Variants in BRIP1 observed in about 807,000 individuals in gnomAD.
BRIP1 encodes the protein Fanconi anemia group J protein.
BRIP1 carries 88 observed loss-of-function variants against 119.7 expected under a neutral mutation model. That is an observed-to-expected ratio of 0.74 (90% CI 0.62 to 0.88). The LOEUF is 0.88. BRIP1 is among the 40% of genes least tolerant of loss of function. The pLI is 0.00. For missense variants in BRIP1, 1,259 were observed against 1,455.4 expected (o/e 0.87, Z 2.20); for synonymous variants, 443 against 496.5 (o/e 0.89, Z 1.43).
chr17:61,766,092 G>A (rs1372687070), intron 14 of BRIP1, among the ~76,000 whole-genome samples: 1 of 152,018 alleles, frequency 6.6e-6, no homozygotes, highest in Non-Finnish European at 1.5e-5. Context: ...AAAATAATAG[G>A]TCAAATTAAT....
chr17:61,680,582 C>CCATT lies in BRIP1; in HGVS notation c.*2710_*2713dup, dbSNP rs2061258190. Among the ~76,000 whole-genome samples the CCATT allele has an allele frequency of 6.7e-6, 1 of 149,090 alleles. No homozygotes were observed. On this transcript the variant is annotated 3_prime_UTR_variant, in exon 20 of 20. Transcript: ENST00000259008. ...GCAAGCTCCACCTCCCGGGTTCACG[C>CCATT]CATTCTCCTGCCTCAGCCTCCTGAG...
rs1234761568 is a variant in BRIP1, at chr17:61,770,436, GTAGTTATAAAAGACAGT to G, written c.2097+5948_2097+5964del. 2.6e-5 allele frequency among the ~76,000 whole-genome samples: 4 copies of G among 152,008 alleles called. No homozygotes were observed. Among genetic ancestry groups the G allele is most frequent in the African/African-American group, 7.3e-5 (3 of 41,368 alleles). ...GAGCACTGGTCAAGATAACTACAAG[GTAGTTATAAAAGACAGT>G]ATAAAATGTGTTTTAACATAGATAC... On this transcript the variant is annotated intron_variant, in intron 14 of 19. Transcript: ENST00000259008. This position sits in a 1 kb window ranked among gnomAD's most constrained non-coding sequence, Gnocchi z 4.7.
rs2061379426 is a variant in BRIP1, at chr17:61,687,487, A to G, written c.2576-1322T>C. Among the ~76,000 whole-genome samples, 1 of 151,968 alleles carries G rather than the reference A, an allele frequency of 6.6e-6. No individual in the cohort carries two copies. Among genetic ancestry groups the G allele is most frequent in the South Asian group, 2.1e-4 (1 of 4,824 alleles). On this transcript the variant is annotated intron_variant, in intron 18 of 19. Transcript: ENST00000259008. This position sits in a 1 kb window ranked among gnomAD's most constrained non-coding sequence, Gnocchi z 5.1. ...GGGAAGATAAAACAAATAAAGCAAT[A>G]TTTTCTGCTTTATGTTTTAATATCA... is the stretch of plus-strand genomic sequence containing the variant.
chr17:61,710,955 C>T lies in BRIP1; in HGVS notation c.2492+4996G>A, dbSNP rs1214983268. On this transcript the variant is annotated intron_variant, in intron 17 of 19. Transcript: ENST00000259008. This position sits in a 1 kb window ranked among gnomAD's most constrained non-coding sequence, Gnocchi z 5.4. Reference sequence around the variant, plus strand: ...ACTCAAGAGGTTGAGGCAGGAGAATCGCTTGAACTTGGGTGGAGGAAGATG... The same window carrying T: ...ACTCAAGAGGTTGAGGCAGGAGAATTGCTTGAACTTGGGTGGAGGAAGATG... 1.3e-5 allele frequency among the ~76,000 whole-genome samples: 2 copies of T among 149,050 alleles called. No individual in the cohort carries two copies. Among genetic ancestry groups the T allele is most frequent in the Non-Finnish European group, 3.0e-5 (2 of 67,466 alleles).
Position 61,842,011 on chromosome 17 carries a change from A to G in BRIP1, c.627+5090T>C, listed in dbSNP as rs1712678288. On this transcript the variant is annotated intron_variant, in intron 6 of 19. Coordinates refer to ENST00000259008, the MANE Select transcript of BRIP1 (RefSeq NM_032043.3). This position sits in a 1 kb window ranked among gnomAD's most constrained non-coding sequence, Gnocchi z 5.1. ...CATGTTTATTGCAGCGCTATTCATA[A>G]TAGACAAGGAGTTGGCATCAACCTA... 6.6e-6 allele frequency among the ~76,000 whole-genome samples: 1 copy of G among 152,182 alleles called. No individual in the cohort carries two copies. The highest frequency in any genetic ancestry group is 1.5e-5 in the Non-Finnish European group (1 of 68,020).
intron 10 of BRIP1, among the ~76,000 whole-genome samples, chr17:61,785,201 G>A (rs2077687370): frequency 6.6e-6 from 1 of 152,156 alleles, no homozygotes; most frequent in Non-Finnish European, 1.5e-5. Context: ...TTCTGATGCT[G>A]AGAATAATAT....
At chr17:61,859,644 T>G (rs2078945968) in intron 3 of BRIP1, 152 bp downstream of exon 3, 2 of 653,944 alleles carry the variant, frequency 3.1e-6, no homozygotes, top group Non-Finnish European at 5.5e-6. Context: ...ATTGAAACTC[T>G]TTTGGAAGAT....
In BRIP1 at chr17:61,686,645, T is replaced by A. The variant is rs2061369306; in HGVS notation, c.2576-480A>T. ...CCTTCCTCCACCAATTCCAAATATA[T>A]CTTAAATTAAAATTATTCTGGAGGT... is the stretch of plus-strand genomic sequence containing the variant. On this transcript the variant is annotated intron_variant, in intron 18 of 19. Transcript: ENST00000259008. The surrounding 1 kb of genome is among the most constrained non-coding windows in gnomAD (Gnocchi z 5.4). 6.6e-6 allele frequency among the ~76,000 whole-genome samples: 1 copy of A among 152,086 alleles called. No homozygotes were observed. The highest frequency in any genetic ancestry group is 1.5e-5 in the Non-Finnish European group (1 of 67,992).
rs2077386682 is a variant in BRIP1 at position 61,767,281 on chromosome 17, A to G, written c.2097+9120T>C. ...GTATGGTTTGAAAAACTTTAGACAT[A>G]TATTTTTCTTTTTTAGAGATAGGGT... On this transcript the variant is annotated intron_variant, in intron 14 of 19. Transcript: ENST00000259008. This position sits in a 1 kb window ranked among gnomAD's most constrained non-coding sequence, Gnocchi z 5.7. Among the ~76,000 whole-genome samples the G allele has an allele frequency of 1.3e-5, 2 of 152,042 alleles. No individual in the cohort carries two copies. The highest frequency in any genetic ancestry group is 4.1e-4 in the South Asian group (2 of 4,822).
rs931435019 is a variant in BRIP1 at position 61,687,927 on chromosome 17, G to A, written c.2576-1762C>T. Among the ~76,000 whole-genome samples the A allele has an allele frequency of 1.3e-5, 2 of 152,194 alleles. No individual in the cohort carries two copies. The highest frequency in any genetic ancestry group is 4.8e-5 in the African/African-American group (2 of 41,450). On this transcript the variant is annotated intron_variant, in intron 18 of 19. Transcript: ENST00000259008. The surrounding 1 kb of genome is among the most constrained non-coding windows in gnomAD (Gnocchi z 5.1). ...CTTACCTGTACTGAAGAGCTGACAT[G>A]AGCTGGCATACCCTACATGCCCAGG...
rs1397005359 is a variant in BRIP1, at chr17:61,749,620, T to C, written c.2098-5029A>G. On this transcript the variant is annotated intron_variant, in intron 14 of 19. Transcript: ENST00000259008. Reference sequence around the variant, plus strand: ...AAAATAACTATTAGTGAAGATGTTGTGATATTGGAATCCTTGTGTATTGCT... The same window carrying C: ...AAAATAACTATTAGTGAAGATGTTGCGATATTGGAATCCTTGTGTATTGCT... 4.6e-5 allele frequency among the ~76,000 whole-genome samples: 7 copies of C among 152,322 alleles called. No homozygotes were observed. In the East Asian group the frequency reaches 1.2e-3, roughly 25 times the overall value.
rs876658173 is a variant in BRIP1, at chr17:61,801,345, A to G, written c.1048T>C (p.Cys350Arg). ...AGTTCTCGGGCTGTGTAATATGGAC[A>G]GGCCTTTAGTTTCTTCCCCAGGCTG... is the stretch of plus-strand genomic sequence containing the variant. The part of the protein sequence containing the change: ...LVSLGKKLKA[C>R]PYYTARELIQ... The change falls in exon 8 of 20, where the codon TGT (cysteine) becomes CGT (arginine). Residue 350 changes from cysteine (C) to arginine (R), a missense_variant. This residue lies in a region of BRIP1 where 501 missense variants were observed against 544.0 expected (regional missense o/e 0.92). Transcript: ENST00000259008. 6.2e-6 allele frequency: 10 copies of G among 1,614,070 alleles called. No individual in the cohort carries two copies. The highest frequency in any genetic ancestry group is 8.5e-6 in the Non-Finnish European group (10 of 1,179,958).
rs1256074433 is a variant in BRIP1, at chr17:61,795,311, G to T, written c.1341-1582C>A. Among the ~76,000 whole-genome samples the T allele has an allele frequency of 1.3e-5, 2 of 151,856 alleles. No homozygotes were observed. The highest frequency in any genetic ancestry group is 1.9e-4 in the East Asian group (1 of 5,178). ...CATTATTGACTATAGTCACACTGTT[G>T]TGCTATCAAATACTAGGCCTTATTC... On this transcript the variant is annotated intron_variant, in intron 9 of 19. Transcript: ENST00000259008. The surrounding 1 kb of genome is among the most constrained non-coding windows in gnomAD (Gnocchi z 5.6).
rs1405961861 is a variant in BRIP1, at chr17:61,679,307, A to T, written c.*3989T>A. Among the ~76,000 whole-genome samples, 2 of 152,232 alleles carry T rather than the reference A, an allele frequency of 1.3e-5. No individual in the cohort carries two copies. The highest frequency in any genetic ancestry group is 1.3e-4 in the Admixed American group (2 of 15,288). On this transcript the variant is annotated 3_prime_UTR_variant, in exon 20 of 20. Transcript: ENST00000259008. The surrounding 1 kb of genome is among the most constrained non-coding windows in gnomAD (Gnocchi z 4.4). ...CCAAATTTAAACCCATGTAATAACT[A>T]AGTGCATAGAAACATAGTAATAGTT... is the stretch of plus-strand genomic sequence containing the variant.
rs1326785183 is a variant in BRIP1 at position 61,807,395 on chromosome 17, C to T, written c.918+1072G>A. On this transcript the variant is annotated intron_variant, in intron 7 of 19. Transcript: ENST00000259008. The surrounding 1 kb of genome is among the most constrained non-coding windows in gnomAD (Gnocchi z 4.5). Reference sequence around the variant, plus strand: ...AGTAATTCTGTATTCTCTCCTGGCTCGGAACAAGTCACTCAAGTTTTGCCA... The same window carrying T: ...AGTAATTCTGTATTCTCTCCTGGCTTGGAACAAGTCACTCAAGTTTTGCCA... Among the ~76,000 whole-genome samples, 3 of 152,154 alleles carry T rather than the reference C, an allele frequency of 2.0e-5. No homozygotes were observed. The highest frequency in any genetic ancestry group is 2.9e-5 in the Non-Finnish European group (2 of 68,026).
At chr17:61,819,223 C>G (rs2078284160) in intron 6 of BRIP1, among the ~76,000 whole-genome samples, 7 of 148,228 alleles carry the variant, frequency 4.7e-5, no homozygotes, top group Admixed American at 4.7e-4. Context: ...AAAACACAAG[C>G]AATAACAAAT....
rs2078750547 is a variant in BRIP1, at chr17:61,847,290, C to T, written c.508-70G>A. 7.2e-6 allele frequency: 11 copies of T among 1,523,894 alleles called. No individual in the cohort carries two copies. In the Admixed American group the frequency reaches 1.8e-4, roughly 26 times the overall value. 94.4% of individuals were successfully genotyped at this position (1,523,894 alleles called of 1,614,324 possible). A position where few individuals can be genotyped will look rare whatever the true frequency, so the allele number is the denominator to read the frequency against. ...TTAACTGGCTAGTTGTTCTCAAAGG[C>T]CAAAACAGCTCTATGTATTTTTTTC... On this transcript the variant is annotated intron_variant, in intron 5 of 19. Transcript: ENST00000259008.
At chr17:61,765,409 ATATATATATATATATTTTTTTTTTTTTT>A (rs2077350794) in intron 14 of BRIP1, among the ~76,000 whole-genome samples, 4 of 13,650 alleles carry the variant, frequency 2.9e-4, no homozygotes, top group African/African-American at 1.4e-3. Context: ...ATATATATAT[ATATATATATATATATTTTTTTTTTTTTT>A]TTTTTTTTTT....
rs1249406181 is a variant in BRIP1, at chr17:61,856,275, T to C, written c.379+783A>G. ...AGGAAGCTGACTCCATCCTTGATTT[T>C]AGGAAATGGATACTCTTTGTTTTGA... On this transcript the variant is annotated intron_variant, in intron 4 of 19. Transcript: ENST00000259008. This position sits in a 1 kb window ranked among gnomAD's most constrained non-coding sequence, Gnocchi z 5.1. 1.3e-5 allele frequency among the ~76,000 whole-genome samples: 2 copies of C among 152,228 alleles called. No homozygotes were observed. Among genetic ancestry groups the C allele is most frequent in the Non-Finnish European group, 2.9e-5 (2 of 68,040 alleles).
Sources: gnomAD v4.1 joint callset for allele counts (sites outside exome capture counted in the v4.1 genomes callset) on GRCh38, gnomAD v4.1.1 for gene constraint, gnomAD v4.1.1 regional missense constraint, Gnocchi (gnomAD v3.1) non-coding constraint, MANE v1.5 for transcripts, NCBI Gene and HGNC (gene_info 2026-07-23, HGNC 2026-07-21) for gene names.